The following MYCBP2 variants were observed in gnomAD, a reference collection of about 807,000 sequenced individuals.
MYCBP2 encodes the protein MYC binding protein 2.
Under a neutral mutation model 525.3 loss-of-function variants are expected in MYCBP2, and 120 were observed. The observed-to-expected ratio is 0.23, with a 90% confidence interval of 0.20 to 0.27. MYCBP2 has a LOEUF of 0.27. Ranked by LOEUF, MYCBP2 falls within the 10% of genes least tolerant of loss-of-function variation. MYCBP2 has a pLI of 1.00. For missense variants in MYCBP2, 4,149 were observed against 5,657.1 expected, an observed-to-expected ratio of 0.73 and a Z score of 8.55; for synonymous variants, 1,894 against 1,955.8, an observed-to-expected ratio of 0.97 and a Z score of 0.83.
intron 55 of MYCBP2, 64 bp from the exon 56 acceptor site, chr13:77,099,077 CTA>C: frequency 6.4e-7 from 1 of 1,568,946 alleles, no homozygotes; most frequent in Non-Finnish European, 8.6e-7. Context: ...AATTTAGCCA[CTA>C]AACACTGAAA....
chr13:77,230,456 C>G (rs2066976422), intron 18 of MYCBP2, among the ~76,000 whole-genome samples: 1 of 151,926 alleles, frequency 6.6e-6, no homozygotes, highest in African/African-American at 2.4e-5. Flanking sequence ...GTTGAGCATC[C>G]CTTATTTGAA....
At chr13:77,129,369 C>T in intron 52 of MYCBP2, 1 of 383,402 alleles carries the variant, frequency 2.6e-6, no homozygotes, top group Non-Finnish European at 4.6e-6. Flanking sequence ...TAAAGAGAAA[C>T]TGAAGCCATC....
intron 1 of MYCBP2, among the ~76,000 whole-genome samples, chr13:77,300,969 C>A (rs2078720717): frequency 6.6e-6 from 1 of 152,102 alleles, no homozygotes; most frequent in Non-Finnish European, 1.5e-5. Context: ...CAGAGGAACT[C>A]TAATAAAGGA....
chr13:77,165,184 A>G, intron 42 of MYCBP2, 89 bp downstream of exon 42: 2 of 1,138,510 alleles, frequency 1.8e-6, no homozygotes, highest in East Asian at 2.4e-5. Flanking sequence ...TAGAGGCAAC[A>G]GTACAATTTA....
intron 2 of MYCBP2, among the ~76,000 whole-genome samples, chr13:77,294,116 A>ACATATATATG: frequency 1.7e-5 from 1 of 57,464 alleles, no homozygotes; most frequent in African/African-American, 4.6e-5. Flanking sequence ...ATATATATAT[A>ACATATATATG]TATATATATA....
At chr13:77,121,701 C>T (rs1459326405) in intron 54 of MYCBP2, among the ~76,000 whole-genome samples, 1 of 152,116 alleles carries the variant, frequency 6.6e-6, no homozygotes, top group East Asian at 1.9e-4. Flanking sequence ...ATCAAATACA[C>T]AGTGAAATTT....
intron 1 of MYCBP2, among the ~76,000 whole-genome samples, chr13:77,306,290 T>G (rs993404749): frequency 6.6e-6 from 1 of 152,220 alleles, no homozygotes; most frequent in Non-Finnish European, 1.5e-5. Flanking sequence ...TCCTATCATG[T>G]TCAAGCATCA....
chr13:77,068,400 A>G (rs1641785719), intron 70 of MYCBP2, among the ~76,000 whole-genome samples, 165 bp downstream of exon 70: 1 of 152,132 alleles, frequency 6.6e-6, no homozygotes, highest in Non-Finnish European at 1.5e-5. Flanking sequence ...TACTCTCACT[A>G]TAAACAGTAA....
At chr13:77,263,903 A>T (rs761064710) in intron 9 of MYCBP2, 26 bp downstream of exon 9, 71 of 1,607,468 alleles carry the variant, frequency 4.4e-5, no homozygotes, top group Non-Finnish European at 5.7e-5. Context: ...CATTTACACT[A>T]GCTACTTAAG....
chr13:77,175,117 A>C (rs1199339605), intron 36 of MYCBP2, among the ~76,000 whole-genome samples: 1 of 149,110 alleles, frequency 6.7e-6, no homozygotes, highest in Non-Finnish European at 1.5e-5. Flanking sequence ...GTTTCTGTAG[A>C]GATAAGGTCT....
In MYCBP2 at chr13:77,055,771, C is replaced by T. The variant is rs767042440; in HGVS notation, c.13438-4G>A. 1.2e-6 allele frequency: 2 copies of T among 1,602,032 alleles called. No individual in the cohort carries two copies. The highest frequency in any genetic ancestry group is 3.4e-5 in the Admixed American group (2 of 59,410). ...GTACTATGTGATTAATTTTGTTCTG[C>T]AATAAAAAATGAACACTCTTTAGCA... On this transcript the variant is annotated splice_region_variant and splice_polypyrimidine_tract_variant and intron_variant, in intron 79 of 82. Transcript: ENST00000544440.
chr13:77,174,908 T>TA (rs2059480216), intron 36 of MYCBP2, among the ~76,000 whole-genome samples: 3 of 2,214 alleles, frequency 1.4e-3, no homozygotes, highest in Non-Finnish European at 2.0e-3. Context: ...ACTATATATA[T>TA]ATAATATATA....
intron 37 of MYCBP2, among the ~76,000 whole-genome samples, chr13:77,172,840 C>A (rs140142475): frequency 6.6e-6 from 1 of 152,352 alleles, no homozygotes; most frequent in African/African-American, 2.4e-5. Context: ...AAGGGTGTAT[C>A]ACCTGAAATC....
chr13:77,137,147 C>T (rs2053883122), intron 52 of MYCBP2, among the ~76,000 whole-genome samples: 1 of 152,146 alleles, frequency 6.6e-6, no homozygotes, highest in African/African-American at 2.4e-5. Context: ...TTTGTTACTC[C>T]CTTCTTTCCC....
rs573233160 is a variant in MYCBP2 at position 77,103,039 on chromosome 13, T to C, written c.8141-4026A>G. On this transcript the variant is annotated intron_variant, in intron 55 of 82. Coordinates refer to ENST00000544440, the MANE Select transcript of MYCBP2 (RefSeq NM_015057.5). Reference sequence around the variant, plus strand: ...ACTGGGATAATCTATATTATAATACTGAATAGGAGCATCATAAATTACTCA... The same window carrying C: ...ACTGGGATAATCTATATTATAATACCGAATAGGAGCATCATAAATTACTCA... 1.7e-3 allele frequency among the ~76,000 whole-genome samples: 261 copies of C among 152,100 alleles called. 1 individual carries two copies. The highest frequency in any genetic ancestry group is 6.1e-3 in the African/African-American group (252 of 41,518).
intron 55 of MYCBP2, among the ~76,000 whole-genome samples, chr13:77,106,750 T>C (rs2047916238): frequency 6.6e-6 from 1 of 152,076 alleles, no homozygotes; most frequent in Admixed American, 6.6e-5. Flanking sequence ...TTTTTTTCTT[T>C]CCAACTTTTA....
intron 1 of MYCBP2, among the ~76,000 whole-genome samples, chr13:77,310,250 T>G (rs1270833781): frequency 6.6e-6 from 1 of 152,228 alleles, no homozygotes; most frequent in Admixed American, 6.5e-5. Flanking sequence ...CTCCTCATTT[T>G]TATGCACCCC....
chr13:77,202,950 CA>C (rs1474305888), intron 26 of MYCBP2, among the ~76,000 whole-genome samples: 1 of 151,986 alleles, frequency 6.6e-6, no homozygotes, highest in Non-Finnish European at 1.5e-5. Context: ...ACTGAATGGG[CA>C]AAAACTGGAA....
chr13:77,056,975 T>C lies in MYCBP2; in HGVS notation c.13437+11A>G, dbSNP rs1351646145. 6.4e-7 allele frequency: 1 copy of C among 1,568,218 alleles called. No individual in the cohort carries two copies. ...AAAAAGAAAGTACATGATTTCAGAT[T>C]CTTTCCATACCTTGCAAATGGGACA... is the stretch of plus-strand genomic sequence containing the variant. On this transcript the variant is annotated intron_variant, in intron 79 of 82. Transcript: ENST00000544440.
Sources: gnomAD v4.1 joint callset for allele counts (sites outside exome capture counted in the v4.1 genomes callset) on GRCh38, gnomAD v4.1.1 for gene constraint, MANE v1.5 for transcripts, NCBI Gene and HGNC (gene_info 2026-07-23, HGNC 2026-07-21) for gene names.